PPARD: variants seen among roughly 807,000 people sequenced by gnomAD.
PPARD encodes the protein peroxisome proliferator-activated receptor delta.
Under a neutral mutation model 39.5 loss-of-function variants are expected in PPARD, and 6 were observed. The ratio of observed to expected loss-of-function variants is 0.15; its 90% CI spans 0.08 to 0.30. The LOEUF (loss-of-function observed/expected upper bound fraction) is 0.30, where lower values mean the gene tolerates loss of function less well. PPARD is among the 10% of genes least tolerant of loss of function. The probability of loss-of-function intolerance (pLI) is 1.00; values close to 1 mark genes in which losing one functional copy is unlikely to be tolerated. For synonymous variants in PPARD, 210 were observed against 231.3 expected (o/e 0.91, Z 0.83); for missense variants, 397 against 596.8 (o/e 0.67, Z 3.49).
In PPARD at chr6:35,426,151, C is replaced by A; in HGVS notation, c.*72C>A. The A allele has an allele frequency of 6.4e-7, 1 of 1,555,532 alleles. No homozygotes were observed. The highest frequency in any genetic ancestry group is 8.7e-7 in the Non-Finnish European group (1 of 1,155,536). Reference sequence around the variant, plus strand: ...GAGGGGCCCACCCACATGACTTTTCCATTGACCAGCCCTTGAGCACCCGGC... The same window carrying A: ...GAGGGGCCCACCCACATGACTTTTCAATTGACCAGCCCTTGAGCACCCGGC... On this transcript the variant is annotated 3_prime_UTR_variant, in exon 8 of 8. Transcript: ENST00000360694.
At chr6:35,372,457 G>A (rs1471756257) in intron 2 of PPARD, among the ~76,000 whole-genome samples, 2 of 152,238 alleles carry the variant, frequency 1.3e-5, no homozygotes, top group African/African-American at 4.8e-5. Context: ...GGGATTACAG[G>A]TGTGAGCCAC....
intron 2 of PPARD, among the ~76,000 whole-genome samples, chr6:35,374,313 C>CGG (rs550238146): frequency 0.043 from 6,108 of 142,332 alleles, 369 homozygotes; most frequent in African/African-American, 0.12. Context: ...GGCGGTGGGG[C>CGG]GGGGGGGTTT....
chr6:35,361,455 C>G (rs375530880), intron 2 of PPARD, among the ~76,000 whole-genome samples: 1 of 152,092 alleles, frequency 6.6e-6, no homozygotes. Context: ...TGAGATCAAC[C>G]TGGGCAACGT....
rs1420053767 is a variant in PPARD, at chr6:35,380,483, T to G, written c.-101-30504T>G. Among the ~76,000 whole-genome samples, 79 of 122,432 alleles carry G rather than the reference T, an allele frequency of 6.5e-4. 2 individuals carry two copies. Among genetic ancestry groups the G allele is most frequent in the African/African-American group, 1.6e-3 (43 of 26,770 alleles). 80.3% of individuals were successfully genotyped at this position (122,432 alleles called of 152,430 possible). ...TGTTTTTTTTTTTTGTTTGTTTTTTTTTTTTTTTTTTTTTTTTTTTTTTGA... is the reference window on the plus strand; with the variant it reads ...TGTTTTTTTTTTTTGTTTGTTTTTTGTTTTTTTTTTTTTTTTTTTTTTTGA... On this transcript the variant is annotated intron_variant, in intron 2 of 7. Transcript: ENST00000360694.
chr6:35,346,021 C>T (rs961139894), intron 1 of PPARD, among the ~76,000 whole-genome samples: 19 of 152,106 alleles, frequency 1.2e-4, no homozygotes, highest in Middle Eastern at 6.8e-3. Flanking sequence ...GGACTACAGG[C>T]GCCCGCCACC....
intron 3 of PPARD, among the ~76,000 whole-genome samples, chr6:35,411,432 GT>G (rs1356756794): frequency 6.6e-6 from 1 of 152,234 alleles, no homozygotes; most frequent in Non-Finnish European, 1.5e-5. Context: ...ACTTCCTTCT[GT>G]AAAACAGGCC....
At chr6:35,372,584 C>T (rs958092330) in intron 2 of PPARD, among the ~76,000 whole-genome samples, 4 of 152,218 alleles carry the variant, frequency 2.6e-5, no homozygotes, top group South Asian at 2.1e-4. Context: ...GACTTAAATC[C>T]AGCCTACTTG....
rs1243153567 is a variant in PPARD, at chr6:35,406,020, G to A, written c.-101-4967G>A. Among the ~76,000 whole-genome samples the A allele has an allele frequency of 4.0e-5, 6 of 151,632 alleles. No homozygotes were observed. The East Asian group carries it at 7.8e-4, about 20-fold the overall frequency. ...TGGCTCACTGAAACCTCTCCCCTCC[G>A]GGTTCAAGTGATTCTCGTGCCTCAG... On this transcript the variant is annotated intron_variant, in intron 2 of 7. Transcript: ENST00000360694.
At chr6:35,368,766 C>A (rs760612668) in intron 2 of PPARD, among the ~76,000 whole-genome samples, 5 of 152,186 alleles carry the variant, frequency 3.3e-5, no homozygotes, top group Non-Finnish European at 4.4e-5. Context: ...CTGCTCAAAT[C>A]TTTGATGTTG....
Position 35,392,938 on chromosome 6 carries a change from C to T in PPARD, c.-101-18049C>T, listed in dbSNP as rs1033042815. Among the ~76,000 whole-genome samples the T allele has an allele frequency of 1.1e-4, 17 of 152,160 alleles. No homozygotes were observed. In the East Asian group the frequency reaches 1.7e-3, roughly 15 times the overall value. On this transcript the variant is annotated intron_variant, in intron 2 of 7. Transcript: ENST00000360694. ...CAGTTGTTTTGGGAAAAACTGGCTC[C>T]GGCTGAAGCAGGAAATGGTGCTCCT...
chr6:35,342,797 G>A (rs11571503), intron 1 of PPARD, 116 bp downstream of exon 1: 3,192 of 152,384 alleles, frequency 0.021, 66 homozygotes, highest in African/African-American at 0.051. Flanking sequence ...CGGGGTGCGG[G>A]GAGCTGCCGG....
chr6:35,420,819 CTTTTTTTTT>C (rs35852986), intron 4 of PPARD, among the ~76,000 whole-genome samples: 5 of 85,708 alleles, frequency 5.8e-5, no homozygotes, highest in East Asian at 4.6e-4. Flanking sequence ...AACAAAGAAG[CTTTTTTTTT>C]TTTTTTTTTT....
rs1764670742 is a variant in PPARD, at chr6:35,401,144, T to A, written c.-101-9843T>A. 6.6e-6 allele frequency among the ~76,000 whole-genome samples: 1 copy of A among 152,142 alleles called. No individual in the cohort carries two copies. Among genetic ancestry groups the A allele is most frequent in the South Asian group, 2.1e-4 (1 of 4,828 alleles). On this transcript the variant is annotated intron_variant, in intron 2 of 7. Transcript: ENST00000360694. The surrounding 1 kb of genome is among the most constrained non-coding windows in gnomAD (Gnocchi z 4.1). Reference sequence around the variant, plus strand: ...AGATGATCTAATTCTGACATTTTACTCAGTGAGGACACAGGTGGGGCAGCC... The same window carrying A: ...AGATGATCTAATTCTGACATTTTACACAGTGAGGACACAGGTGGGGCAGCC...
intron 3 of PPARD, among the ~76,000 whole-genome samples, chr6:35,417,160 C>G (rs2299870): frequency 0.015 from 2,297 of 152,146 alleles, 205 homozygotes; most frequent in Admixed American, 0.12. Flanking sequence ...CCACACCCAG[C>G]TAGTTTTTAA....
chr6:35,372,394 G>T (rs1762531574), intron 2 of PPARD, among the ~76,000 whole-genome samples: 1 of 152,194 alleles, frequency 6.6e-6, no homozygotes, highest in South Asian at 2.1e-4. Flanking sequence ...GGCCAGGTTA[G>T]TCTTGAACTC....
chr6:35,361,196 A>T (rs1006154854), intron 2 of PPARD, among the ~76,000 whole-genome samples: 3 of 152,182 alleles, frequency 2.0e-5, no homozygotes, highest in African/African-American at 7.2e-5. Context: ...CATGGGGGTG[A>T]TAACTGTAGA....
Position 35,421,815 on chromosome 6 carries a change from T to C in PPARD, c.286-5T>C. 1 of 1,607,994 alleles carries C rather than the reference T, an allele frequency of 6.2e-7. No individual in the cohort carries two copies. The highest frequency in any genetic ancestry group is 8.5e-7 in the Non-Finnish European group (1 of 1,176,534). ...GCCTTTCCTCACCTGTTCTTGGTGC[T>C]TCAGGGCTTCTTCCGTCGTACGATC... On this transcript the variant is annotated splice_region_variant and splice_polypyrimidine_tract_variant and intron_variant, in intron 4 of 7. Coordinates refer to ENST00000360694, the MANE Select transcript of PPARD (RefSeq NM_006238.5).
At chr6:35,375,365 G>A (rs1035759205) in intron 2 of PPARD, among the ~76,000 whole-genome samples, 2 of 151,620 alleles carry the variant, frequency 1.3e-5, no homozygotes, top group Non-Finnish European at 2.9e-5. Flanking sequence ...CTACAGGCAC[G>A]TGCCACCACA....
chr6:35,357,093 T>C (rs1761660907), intron 2 of PPARD, among the ~76,000 whole-genome samples: 1 of 152,350 alleles, frequency 6.6e-6, no homozygotes, highest in East Asian at 1.9e-4. Flanking sequence ...AGAAGCCACC[T>C]TCCCTTAGCA....
Sources: allele counts gnomAD v4.1 joint callset (sites outside exome capture counted in the v4.1 genomes callset), GRCh38; gene constraint gnomAD v4.1.1; non-coding constraint Gnocchi (gnomAD v3.1); transcripts MANE v1.5; gene names NCBI Gene and HGNC (gene_info 2026-07-23, HGNC 2026-07-21).